Variants in ARHGAP15 observed in about 807,000 individuals in gnomAD.
ARHGAP15 encodes rho GTPase-activating protein 15.
A neutral mutation model predicts 63.7 loss-of-function variants in ARHGAP15; 51 were observed. That is an observed-to-expected ratio of 0.80 (90% confidence interval 0.64 to 1.01). ARHGAP15 has a LOEUF of 1.01. Ranked by LOEUF, ARHGAP15 falls within the 50% of genes least tolerant of loss-of-function variation. The probability of loss-of-function intolerance (pLI) is 0.00; values close to 1 mark genes in which losing one functional copy is unlikely to be tolerated. For synonymous variants in ARHGAP15, 191 were observed against 193.8 expected (o/e 0.99, Z 0.12); for missense variants, 560 against 564.6 (o/e 0.99, Z 0.08).
chr2:143,337,877 A>G (rs1684875479), intron 6 of ARHGAP15, among the ~76,000 whole-genome samples: 1 of 152,178 alleles, frequency 6.6e-6, no homozygotes, highest in African/African-American at 2.4e-5. Flanking sequence ...GCTGGAAATT[A>G]TTTAGTAATT....
chr2:143,410,719 T>G (rs1418749152), intron 6 of ARHGAP15, among the ~76,000 whole-genome samples: 1 of 151,552 alleles, frequency 6.6e-6, no homozygotes, highest in Non-Finnish European at 1.5e-5. Context: ...AACAAGAAAA[T>G]TAAAACAGAG....
chr2:143,573,622 G>T (rs1476887686), intron 11 of ARHGAP15, among the ~76,000 whole-genome samples: 1 of 152,122 alleles, frequency 6.6e-6, no homozygotes, highest in Admixed American at 6.6e-5. Flanking sequence ...TTGTTAATTT[G>T]CTTTATAATC....
chr2:143,462,720 G>C (rs1392346548), intron 8 of ARHGAP15, among the ~76,000 whole-genome samples: 1 of 152,166 alleles, frequency 6.6e-6, no homozygotes, highest in African/African-American at 2.4e-5. Flanking sequence ...AGTCATTGTA[G>C]AATCACTCTG....
chr2:143,354,198 A>G (rs964282927), intron 6 of ARHGAP15, among the ~76,000 whole-genome samples: 11 of 152,158 alleles, frequency 7.2e-5, no homozygotes, highest in Non-Finnish European at 1.5e-4. Context: ...GAGGTTCAGT[A>G]TGAGAGGCAG....
At chr2:143,684,385 G>T (rs1372471331) in intron 12 of ARHGAP15, among the ~76,000 whole-genome samples, 2 of 152,016 alleles carry the variant, frequency 1.3e-5, no homozygotes, top group African/African-American at 4.8e-5. Flanking sequence ...GGGTTTTAGT[G>T]GTTCTTTTTA....
At chr2:143,492,206 A>C (rs1692612399) in intron 9 of ARHGAP15, among the ~76,000 whole-genome samples, 1 of 152,060 alleles carries the variant, frequency 6.6e-6, no homozygotes, top group South Asian at 2.1e-4. Context: ...TCCTCGCCAG[A>C]TACTTACAGT....
At chr2:143,364,164 T>G (rs1686188768) in intron 6 of ARHGAP15, among the ~76,000 whole-genome samples, 1 of 147,626 alleles carries the variant, frequency 6.8e-6, no homozygotes, top group Non-Finnish European at 1.5e-5. Flanking sequence ...AAGCCAAAAA[T>G]CAGAGAGGAA....
At chr2:143,185,461 T>A (rs1691403509) in intron 2 of ARHGAP15, among the ~76,000 whole-genome samples, 1 of 152,174 alleles carries the variant, frequency 6.6e-6, no homozygotes, top group Non-Finnish European at 1.5e-5. Context: ...CACATGGAAG[T>A]TTCCTTCAAA....
At chr2:143,702,432 C>A (rs569483220) in intron 12 of ARHGAP15, among the ~76,000 whole-genome samples, 57 of 152,104 alleles carry the variant, frequency 3.7e-4, no homozygotes, top group Non-Finnish European at 6.9e-4. Flanking sequence ...GTTTTACCCT[C>A]TTATTTTAAA....
chr2:143,403,202 A>AT (rs1242606237), intron 6 of ARHGAP15, among the ~76,000 whole-genome samples: 3 of 151,460 alleles, frequency 2.0e-5, no homozygotes, highest in South Asian at 2.1e-4. Context: ...ATTATTTTTT[A>AT]TTTTTTTTCT....
At chr2:143,397,175 AG>A (rs1402828722) in intron 6 of ARHGAP15, among the ~76,000 whole-genome samples, 1 of 152,150 alleles carries the variant, frequency 6.6e-6, no homozygotes, top group Non-Finnish European at 1.5e-5. Context: ...TGGGGTCAGA[AG>A]ACATAAATCC....
intron 13 of ARHGAP15, 148 bp from the exon 14 acceptor site, chr2:143,767,841 A>G (rs2072972110): frequency 2.6e-6 from 2 of 769,894 alleles, no homozygotes; most frequent in Non-Finnish European, 4.0e-6. Flanking sequence ...TTCTACTTCC[A>G]TACAGTAAAG....
chr2:143,436,886 T>C, intron 7 of ARHGAP15, 27 bp from the exon 8 acceptor site: 1 of 1,590,662 alleles, frequency 6.3e-7, no homozygotes, highest in East Asian at 2.2e-5. Flanking sequence ...AGTAAAATTA[T>C]TCAGTCTAAT....
intron 11 of ARHGAP15, among the ~76,000 whole-genome samples, chr2:143,577,543 G>C (rs949153494): frequency 1.3e-5 from 2 of 151,966 alleles, no homozygotes; most frequent in Non-Finnish European, 2.9e-5. Context: ...AACCTCTCTC[G>C]GTCTCTCAGC....
chr2:143,731,384 G>A (rs1285077098), intron 13 of ARHGAP15, among the ~76,000 whole-genome samples: 1 of 152,084 alleles, frequency 6.6e-6, no homozygotes, highest in Non-Finnish European at 1.5e-5. Context: ...TCTTAGCTCT[G>A]CCTGGTGGTC....
intron 6 of ARHGAP15, among the ~76,000 whole-genome samples, chr2:143,296,789 T>C (rs1159851668): frequency 6.6e-6 from 1 of 151,924 alleles, no homozygotes; most frequent in Non-Finnish European, 1.5e-5. Context: ...TTAAGCCCAG[T>C]ACCCAATAGT....
chr2:143,552,167 G>A (rs1261605954), intron 10 of ARHGAP15, among the ~76,000 whole-genome samples: 4 of 152,184 alleles, frequency 2.6e-5, no homozygotes, highest in Admixed American at 2.0e-4. Flanking sequence ...GACTGTTTGT[G>A]CAAAATTCCC....
chr2:143,207,555 A>G (rs183389715), intron 3 of ARHGAP15, among the ~76,000 whole-genome samples: 1 of 151,684 alleles, frequency 6.6e-6, no homozygotes, highest in African/African-American at 2.4e-5. Flanking sequence ...TTTTGGAACT[A>G]CCAATCAGCT....
chr2:143,604,294 C>T (rs1697897565), intron 11 of ARHGAP15, among the ~76,000 whole-genome samples: 1 of 152,176 alleles, frequency 6.6e-6, no homozygotes, highest in Admixed American at 6.5e-5. Flanking sequence ...CACCATGGAT[C>T]CTTGAGAGCT....
Sources: allele counts gnomAD v4.1 joint callset (sites outside exome capture counted in the v4.1 genomes callset), GRCh38; gene constraint gnomAD v4.1.1; transcripts MANE v1.5; gene names NCBI Gene and HGNC (gene_info 2026-07-23, HGNC 2026-07-21).